GLI2: variants seen among roughly 807,000 people sequenced by gnomAD.
GLI2 encodes the protein GLI family zinc finger 2, also known as transcription activator GLI2.
GLI2 carries 22 observed loss-of-function variants against 78.9 expected under a neutral mutation model. The observed-to-expected ratio is 0.28, with a 90% CI of 0.20 to 0.40. GLI2 has a LOEUF of 0.40. Among genes scored for constraint, GLI2 ranks in the 10% least tolerant of loss-of-function variants. GLI2 has a pLI of 1.00. For missense variants in GLI2, 2,097 were observed against 2,213.2 expected, an observed-to-expected ratio of 0.95 and a Z score of 1.05; for synonymous variants, 974 against 963.7, an observed-to-expected ratio of 1.01 and a Z score of -0.20.
rs555474895 is a variant in GLI2 at position 120,841,848 on chromosome 2, G to GGTGTGT, written c.148+44416_148+44421dup. Among the ~76,000 whole-genome samples, 695 of 132,678 alleles carry GGTGTGT rather than the reference G, an allele frequency of 5.2e-3. 5 individuals carry two copies. The highest frequency in any genetic ancestry group is 8.9e-3 in the East Asian group (42 of 4,704). The allele number at this position is 132,678 out of a possible 152,430, so 87.0% of individuals were successfully genotyped here. A position where few individuals can be genotyped will look rare whatever the true frequency, so the allele number is the denominator to read the frequency against. ...AGGACCATTGCAAGCCAGTCTGGAG[G>GGTGTGT]GTGTGTGTGTGTGTGTGTGTGTGTG... On this transcript the variant is annotated intron_variant, in intron 2 of 13. Coordinates refer to ENST00000361492, the MANE Select transcript of GLI2 (RefSeq NM_001374353.1).
intron 2 of GLI2, among the ~76,000 whole-genome samples, chr2:120,918,973 G>A (rs1483156963): frequency 6.6e-6 from 1 of 152,204 alleles, no homozygotes; most frequent in African/African-American, 2.4e-5. Flanking sequence ...TGACACTGGA[G>A]CAAGCTGGAC....
chr2:120,988,679 C>T lies in GLI2; in HGVS notation c.2714C>T (p.Ala905Val), dbSNP rs890177001. ...CGGACCAGGCTGGCGCTGCTGGACGCGCCCGAGCGCACGCTGCCCGCCGGC... is the reference window on the plus strand; with the variant it reads ...CGGACCAGGCTGGCGCTGCTGGACGTGCCCGAGCGCACGCTGCCCGCCGGC... ...SLRTRLALLD[A>V]PERTLPAGCP... Residue 905 changes from alanine to valine, a missense_variant, in exon 14 of 14, where the codon GCG (alanine) becomes GTG (valine). By Grantham distance (64) the Ala-to-Val change is moderately conservative. Transcript: ENST00000361492. The T allele has an allele frequency of 3.0e-6, 4 of 1,323,466 alleles. No homozygotes were observed. The highest frequency in any genetic ancestry group is 3.2e-5 in the African/African-American group (2 of 63,344). 82.0% of individuals were successfully genotyped at this position (1,323,466 alleles called of 1,614,324 possible).
chr2:120,754,586 C>CG (rs1682982188), intron 1 of GLI2, among the ~76,000 whole-genome samples: 1 of 152,154 alleles, frequency 6.6e-6, no homozygotes, highest in South Asian at 2.1e-4. Context: ...TGTTGCTGCA[C>CG]GTATCAATAG....
chr2:120,890,585 G>A (rs2104747458), intron 2 of GLI2, among the ~76,000 whole-genome samples: 1 of 152,310 alleles, frequency 6.6e-6, no homozygotes, highest in Non-Finnish European at 1.5e-5. Flanking sequence ...ATATTGCACT[G>A]TAGCTTTGCA....
chr2:120,763,507 C>G (rs559699626), intron 1 of GLI2, among the ~76,000 whole-genome samples: 65 of 152,344 alleles, frequency 4.3e-4, no homozygotes, highest in Admixed American at 1.4e-3. Flanking sequence ...TCCTGAGCAG[C>G]AGGCTTGGTG....
In GLI2 at chr2:120,853,119, C is replaced by A. The variant is rs539665615; in HGVS notation, c.148+55651C>A. The stretch of plus-strand genomic sequence containing the variant: ...CGAGTGAAGGCCAGCAAGGTGCTGG[C>A]CCTCAGAGGGTCTTTGGCAAAGGCT... On this transcript the variant is annotated intron_variant, in intron 2 of 13. Coordinates refer to ENST00000361492, the MANE Select transcript of GLI2 (RefSeq NM_001374353.1). Among the ~76,000 whole-genome samples the A allele has an allele frequency of 5.4e-3, 818 of 152,254 alleles. 10 individuals carry two copies. The highest frequency in any genetic ancestry group is 0.017 in the Middle Eastern group (5 of 294).
intron 3 of GLI2, among the ~76,000 whole-genome samples, chr2:120,935,305 C>G (rs952520712): frequency 5.3e-5 from 8 of 152,334 alleles, no homozygotes; most frequent in African/African-American, 1.9e-4. Flanking sequence ...CTGTTGCTGA[C>G]CACTTCTTCA....
At chr2:120,857,644 C>T (rs1294303941) in intron 2 of GLI2, among the ~76,000 whole-genome samples, 1 of 152,038 alleles carries the variant, frequency 6.6e-6, no homozygotes, top group Non-Finnish European at 1.5e-5. Flanking sequence ...CCTACCCAAA[C>T]ACCTATCCAT....
chr2:120,829,325 G>A (rs1484915727), intron 2 of GLI2, among the ~76,000 whole-genome samples: 3 of 152,216 alleles, frequency 2.0e-5, no homozygotes, highest in Admixed American at 6.5e-5. Flanking sequence ...CAGAGTGGGC[G>A]CATTGTGAGT....
At chr2:120,820,788 C>T in intron 2 of GLI2, among the ~76,000 whole-genome samples, 1 of 152,210 alleles carries the variant, frequency 6.6e-6, no homozygotes, top group East Asian at 1.9e-4. Context: ...AACAAACACT[C>T]AAGTGTTCCA....
chr2:120,973,874 G>A lies in GLI2; in HGVS notation c.1183-1101G>A, dbSNP rs112153777. 7.8e-3 allele frequency among the ~76,000 whole-genome samples: 1,187 copies of A among 152,238 alleles called. 13 individuals carry two copies. The highest frequency in any genetic ancestry group is 0.027 in the African/African-American group (1,114 of 41,536). ...TTTGAGTCTCCATTGACAGCAGGGC[G>A]TCCTGAGGCTAATTTCTTCCATTCC... is the stretch of plus-strand genomic sequence containing the variant. On this transcript the variant is annotated intron_variant, in intron 8 of 13. Transcript: ENST00000361492.
intron 2 of GLI2, among the ~76,000 whole-genome samples, chr2:120,901,713 T>C (rs2104783295): frequency 6.6e-6 from 1 of 152,322 alleles, no homozygotes; most frequent in Non-Finnish European, 1.5e-5. Flanking sequence ...TTGTTGAGCT[T>C]TTAGATTAGA....
At chr2:120,892,587 C>T (rs1407325745) in intron 2 of GLI2, among the ~76,000 whole-genome samples, 3 of 152,298 alleles carry the variant, frequency 2.0e-5, no homozygotes, top group Non-Finnish European at 2.9e-5. Context: ...CCTGCACCTG[C>T]GTGTTTGTGC....
At chr2:120,905,495 C>T (rs899881722) in intron 2 of GLI2, among the ~76,000 whole-genome samples, 1 of 152,194 alleles carries the variant, frequency 6.6e-6, no homozygotes, top group Non-Finnish European at 1.5e-5. Flanking sequence ...GTGATCTGCC[C>T]AAGGTCACCC....
At chr2:120,850,183 C>T (rs1687329955) in intron 2 of GLI2, among the ~76,000 whole-genome samples, 1 of 152,182 alleles carries the variant, frequency 6.6e-6, no homozygotes, top group Admixed American at 6.5e-5. Flanking sequence ...CACATTAAAA[C>T]ATCCCTCAGT....
At chr2:120,920,044 T>G (rs2104842099) in intron 2 of GLI2, among the ~76,000 whole-genome samples, 1 of 152,356 alleles carries the variant, frequency 6.6e-6, no homozygotes, top group South Asian at 2.1e-4. Context: ...TCTTCTCTGG[T>G]CCAGGCCGGC....
intron 3 of GLI2, among the ~76,000 whole-genome samples, chr2:120,945,911 C>T (rs944631341): frequency 6.7e-6 from 1 of 149,428 alleles, no homozygotes; most frequent in Non-Finnish European, 1.5e-5. Context: ...TAGACCCAGC[C>T]CAAAGCACTC....
At chr2:120,827,791 A>G (rs4848640) in intron 2 of GLI2, among the ~76,000 whole-genome samples, 140,149 of 152,264 alleles carry the variant, frequency 0.92, 65,140 homozygotes, top group East Asian at 1. Context: ...AAGGACATAT[A>G]CTGTTTTATT....
At position 120,737,621 on chromosome 2, in the gene GLI2, G is replaced by T. The variant is rs1425976159; in HGVS notation, c.-31+1336G>T. On this transcript the variant is annotated intron_variant, in intron 1 of 13. Coordinates refer to ENST00000361492, the MANE Select transcript of GLI2 (RefSeq NM_001374353.1). The surrounding 1 kb of genome is among the most constrained non-coding windows in gnomAD (Gnocchi z 4.3). ...GGCTTTGCAGCTCGGTGGCCGCAGC[G>T]GTGTCCCGGGCCCCCTCTCCGCCGC... Among the ~76,000 whole-genome samples, 2 of 152,084 alleles carry T rather than the reference G, an allele frequency of 1.3e-5. No individual in the cohort carries two copies. The highest frequency in any genetic ancestry group is 2.9e-5 in the Non-Finnish European group (2 of 68,026).
Sources: gnomAD v4.1 joint callset for allele counts (sites outside exome capture counted in the v4.1 genomes callset) on GRCh38, gnomAD v4.1.1 for gene constraint, Gnocchi (gnomAD v3.1) non-coding constraint, MANE v1.5 for transcripts, NCBI Gene and HGNC (gene_info 2026-07-23, HGNC 2026-07-21) for gene names.